GAN: variants seen among roughly 807,000 people sequenced by gnomAD.
The protein encoded by GAN is epididymis secretory sperm binding protein.
In GAN, 48 loss-of-function variants were observed where a neutral mutation model predicts 71.3. That is an observed-to-expected ratio of 0.67 (90% CI 0.53 to 0.86). GAN has a LOEUF of 0.86. Among genes scored for constraint, GAN ranks in the 40% least tolerant of loss-of-function variants. GAN has a pLI of 0.00. For synonymous variants in GAN, 386 were observed against 276.8 expected (o/e 1.39, Z -3.92); for missense variants, 928 against 770.1 (o/e 1.21, Z -2.43).
chr16:81,321,324 A>T (rs1451979131), intron 1 of GAN, among the ~76,000 whole-genome samples: 3 of 152,166 alleles, frequency 2.0e-5, no homozygotes, highest in African/African-American at 7.2e-5. Context: ...ATAGGAGTAA[A>T]ACCTAGCTCT....
chr16:81,334,053 T>G (rs1909673451), intron 1 of GAN, among the ~76,000 whole-genome samples: 1 of 152,230 alleles, frequency 6.6e-6, no homozygotes. Context: ...TGAGATAAAT[T>G]TCTCCTTTCT....
chr16:81,376,463 ATATGTGTGTGTGTGTGTG>A (rs1904280053), intron 9 of GAN, among the ~76,000 whole-genome samples: 1 of 90,062 alleles, frequency 1.1e-5, no homozygotes, highest in African/African-American at 3.8e-5. Context: ...TTATACATAC[ATATGTGTGTGTGTGTGTG>A]TGTGTGTGTG....
At chr16:81,336,690 C>G (rs994502778) in intron 1 of GAN, among the ~76,000 whole-genome samples, 1 of 151,000 alleles carries the variant, frequency 6.6e-6, no homozygotes, top group African/African-American at 2.4e-5. Flanking sequence ...GTTGTCCAGG[C>G]TGGTCTCAAA....
At chr16:81,345,561 A>G (rs1315693492) in intron 1 of GAN, among the ~76,000 whole-genome samples, 5 of 152,148 alleles carry the variant, frequency 3.3e-5, no homozygotes, top group Admixed American at 6.5e-5. Flanking sequence ...ACACATGGAC[A>G]CAGGGAGGGG....
chr16:81,344,626 C>G (rs1240159860), intron 1 of GAN, among the ~76,000 whole-genome samples: 3 of 152,164 alleles, frequency 2.0e-5, no homozygotes, highest in African/African-American at 7.2e-5. Flanking sequence ...GGATCAGAGA[C>G]TTAAACATAA....
In GAN at chr16:81,390,139, A is replaced by C. The variant is rs1349035920; in HGVS notation, c.*12543A>C. 2 of 152,204 alleles carry C rather than the reference A, an allele frequency of 1.3e-5. No homozygotes were observed. The highest frequency in any genetic ancestry group is 4.8e-5 in the African/African-American group (2 of 41,458). The allele number at this position is 152,204 out of a possible 1,614,324, so 9.4% of individuals were successfully genotyped here. A position where few individuals can be genotyped will look rare whatever the true frequency, so the allele number is the denominator to read the frequency against. Reference sequence around the variant, plus strand: ...TACTGAAAAACAGGGATTTGCAATGAAAATCATAGCTAAATAGGCAGGTTT... The same window carrying C: ...TACTGAAAAACAGGGATTTGCAATGCAAATCATAGCTAAATAGGCAGGTTT... On this transcript the variant is annotated 3_prime_UTR_variant, in exon 11 of 11. Transcript: ENST00000648994.
intron 2 of GAN, among the ~76,000 whole-genome samples, chr16:81,353,014 G>C (rs887623962): frequency 1.3e-5 from 2 of 152,214 alleles, no homozygotes; most frequent in Admixed American, 6.5e-5. Context: ...AGTTGGGGCC[G>C]GGCGCGGTGG....
At chr16:81,356,692 G>C in intron 3 of GAN, 93 bp from the exon 4 acceptor site, 1 of 903,560 alleles carries the variant, frequency 1.1e-6, no homozygotes, top group Non-Finnish European at 1.9e-6. Context: ...AGTGTTAACA[G>C]TTTGTTTTCC....
rs545904726 is a variant in GAN, at chr16:81,384,822, C to G, written c.*7226C>G. The G allele has an allele frequency of 8.5e-5, 13 of 152,468 alleles. No individual in the cohort carries two copies. Among genetic ancestry groups the G allele is most frequent in the African/African-American group, 3.1e-4 (13 of 41,556 alleles). 9.4% of individuals were successfully genotyped at this position (152,468 alleles called of 1,614,324 possible). On this transcript the variant is annotated 3_prime_UTR_variant, in exon 11 of 11. Transcript: ENST00000648994. ...CACTCCACACGTGGTCGCCTCCATC[C>G]TCCCTAGTGTCTGTCAGCTTGCCTG... is the stretch of plus-strand genomic sequence containing the variant.
At chr16:81,373,976 C>T (rs78359556) in intron 9 of GAN, among the ~76,000 whole-genome samples, 5,012 of 152,254 alleles carry the variant, frequency 0.033, 176 homozygotes, top group East Asian at 0.12. Context: ...CTCTTGACTT[C>T]GTGATCCACC....
chr16:81,385,246 C>T lies in GAN; in HGVS notation c.*7650C>T, dbSNP rs1266848463. The stretch of plus-strand genomic sequence containing the variant: ...AGCTCAGGACATGAGACTGACTTAG[C>T]TCAGGACATGAGACATTTCCTGGAA... On this transcript the variant is annotated 3_prime_UTR_variant, in exon 11 of 11. Transcript: ENST00000648994. The T allele has an allele frequency of 6.6e-6, 1 of 152,010 alleles. No individual in the cohort carries two copies. The highest frequency in any genetic ancestry group is 2.1e-4 in the South Asian group (1 of 4,832). 9.4% of individuals were successfully genotyped at this position (152,010 alleles called of 1,614,324 possible). A position where few individuals can be genotyped will look rare whatever the true frequency, so the allele number is the denominator to read the frequency against.
In GAN at chr16:81,379,708, T is replaced by C. The variant is rs911802148; in HGVS notation, c.*2112T>C. On this transcript the variant is annotated 3_prime_UTR_variant, in exon 11 of 11. Transcript: ENST00000648994. ...GTACCTTGGCATTCAGCAGCTGTAATTGGGGAACATTAAAACAGTAACTGA... is the reference window on the plus strand; with the variant it reads ...GTACCTTGGCATTCAGCAGCTGTAACTGGGGAACATTAAAACAGTAACTGA... 3.3e-5 allele frequency: 5 copies of C among 152,232 alleles called. No homozygotes were observed. The highest frequency in any genetic ancestry group is 2.1e-4 in the South Asian group (1 of 4,838). 9.4% of individuals were successfully genotyped at this position (152,232 alleles called of 1,614,324 possible).
chr16:81,340,567 A>C (rs978031113), intron 1 of GAN, among the ~76,000 whole-genome samples: 11 of 152,136 alleles, frequency 7.2e-5, no homozygotes, highest in African/African-American at 2.7e-4. Context: ...AGGAAAACTA[A>C]CAAACAGAAA....
intron 1 of GAN, among the ~76,000 whole-genome samples, chr16:81,346,360 T>G (rs1567488004): frequency 6.6e-6 from 1 of 152,068 alleles, no homozygotes; most frequent in Non-Finnish European, 1.5e-5. Flanking sequence ...TTGTGGAACT[T>G]GTTGGAAATC....
Position 81,362,594 on chromosome 16 carries a change from T to C in GAN, c.1069T>C (p.Leu357=), listed in dbSNP as rs747068103. 6.4e-7 allele frequency: 1 copy of C among 1,550,908 alleles called. No homozygotes were observed. Among genetic ancestry groups the C allele is most frequent in the Non-Finnish European group, 8.9e-7 (1 of 1,122,168 alleles). The change falls in exon 6 of 11, where the codon TTG becomes CTG. Residue 357 remains leucine (L), a synonymous_variant. Coordinates refer to ENST00000648994, the MANE Select transcript of GAN (RefSeq NM_022041.4). ...TCCAGATGCAAATACATGGACAGCA[T>C]TGCCACCTATGAACGAGGTAAAACA... The part of the protein sequence containing the change: ...YDPDANTWTA[L]PPMNEARHNF...
intron 9 of GAN, among the ~76,000 whole-genome samples, chr16:81,372,706 G>A (rs1911075355): frequency 6.6e-6 from 1 of 152,178 alleles, no homozygotes; most frequent in South Asian, 2.1e-4. Flanking sequence ...GAACTATGTT[G>A]GTTGGTTTCA....
At chr16:81,366,902 G>T (rs929150471) in intron 9 of GAN, among the ~76,000 whole-genome samples, 2 of 151,922 alleles carry the variant, frequency 1.3e-5, no homozygotes, top group African/African-American at 4.8e-5. Flanking sequence ...TCGGCTTACT[G>T]CACCATCTGC....
At chr16:81,328,686 A>T (rs934111203) in intron 1 of GAN, among the ~76,000 whole-genome samples, 2 of 142,270 alleles carry the variant, frequency 1.4e-5, no homozygotes, top group Non-Finnish European at 3.1e-5. Context: ...TTTTTTTTAG[A>T]TCTATCACCA....
chr16:81,356,617 C>G (rs1216929474), intron 3 of GAN, among the ~76,000 whole-genome samples, 168 bp from the exon 4 acceptor site: 1 of 152,124 alleles, frequency 6.6e-6, no homozygotes, highest in Non-Finnish European at 1.5e-5. Context: ...GGGAAGTAGA[C>G]AGTTAGGGCC....
Sources: allele counts gnomAD v4.1 joint callset (sites outside exome capture counted in the v4.1 genomes callset), GRCh38; gene constraint gnomAD v4.1.1; transcripts MANE v1.5; gene names NCBI Gene and HGNC (gene_info 2026-07-23, HGNC 2026-07-21).